Variants in CEACAM7 observed in about 807,000 individuals in gnomAD.
The protein encoded by CEACAM7 is CEA cell adhesion molecule 7.
In CEACAM7, 24 loss-of-function variants were observed where a neutral mutation model predicts 25.7. That is an observed-to-expected ratio of 0.93 (90% CI 0.68 to 1.31). The LOEUF is 1.31. Among genes scored for constraint, CEACAM7 ranks in the 40% most tolerant of loss-of-function variants. The pLI, the probability that CEACAM7 is intolerant of heterozygous loss-of-function variation, is 0.00. For synonymous variants in CEACAM7, 144 were observed against 129.4 expected, an observed-to-expected ratio of 1.11 and a Z score of -0.77; for missense variants, 324 against 330.1, an observed-to-expected ratio of 0.98 and a Z score of 0.14.
rs2072249015 is a variant in CEACAM7, at chr19:41,688,264, C to T, written c.-99G>A. 5.3e-6 allele frequency: 8 copies of T among 1,495,914 alleles called. No homozygotes were observed. The highest frequency in any genetic ancestry group is 2.3e-5 in the Admixed American group (1 of 44,246). 92.7% of individuals were successfully genotyped at this position (1,495,914 alleles called of 1,614,324 possible). The stretch of plus-strand genomic sequence containing the variant: ...ACTGTCAGCTCTGCTGTCCTTCCTA[C>T]CTCTGTGCTGAGCCTCCTCCCAGGG... On this transcript the variant is annotated 5_prime_UTR_variant, in exon 1 of 5. Coordinates refer to ENST00000401731, the MANE Select transcript of CEACAM7 (RefSeq NM_001291485.2).
At chr19:41,681,786 G>A (rs150910716) in intron 3 of CEACAM7, among the ~76,000 whole-genome samples, 71 of 152,286 alleles carry the variant, frequency 4.7e-4, no homozygotes, top group African/African-American at 1.7e-3. Flanking sequence ...GTCAATTACA[G>A]ACAGACAGAA....
intron 3 of CEACAM7, 68 bp from the exon 4 acceptor site, chr19:41,677,571 A>G: frequency 1.8e-6 from 2 of 1,136,052 alleles, no homozygotes; most frequent in Admixed American, 1.8e-5. Flanking sequence ...CCAGGAACCA[A>G]CTCTCAGCAT....
At chr19:41,674,801 A>C in intron 4 of CEACAM7, 62 bp from the exon 5 acceptor site, 1 of 162,268 alleles carries the variant, frequency 6.2e-6, no homozygotes, top group Non-Finnish European at 1.3e-5. Flanking sequence ...TAACAGTTGT[A>C]TTATAGTCTT....
intron 2 of CEACAM7, among the ~76,000 whole-genome samples, chr19:41,686,240 A>G (rs2072224188): frequency 1.3e-5 from 2 of 151,816 alleles, no homozygotes; most frequent in Non-Finnish European, 2.9e-5. Context: ...ATCCAGGGGG[A>G]CTGAGGTCCT....
At chr19:41,686,726 T>C (rs1600437233) in intron 2 of CEACAM7, 133 bp downstream of exon 2, 2 of 996,898 alleles carry the variant, frequency 2.0e-6, no homozygotes, top group East Asian at 2.5e-5. Flanking sequence ...ATGTGTGTCC[T>C]TCACTAAATG....
rs782336487 is a variant in CEACAM7, at chr19:41,683,784, C to T, written c.706+1G>A. 44 of 1,613,870 alleles carry T rather than the reference C, an allele frequency of 2.7e-5. No homozygotes were observed. The African/African-American group carries it at 4.0e-4, about 15-fold the overall frequency. On this transcript the variant is annotated splice_donor_variant, in intron 3 of 4. Coordinates refer to ENST00000401731, the MANE Select transcript of CEACAM7 (RefSeq NM_001291485.2). LOFTEE classifies it high-confidence loss of function. Reference sequence around the variant, plus strand: ...GCCACAGAGGAACAGAAGATACTCACAGCGGACATTCAGGGTGACTGGGTC... The same window carrying T: ...GCCACAGAGGAACAGAAGATACTCATAGCGGACATTCAGGGTGACTGGGTC...
intron 1 of CEACAM7, 22 bp from the exon 2 acceptor site, chr19:41,687,243 A>G: frequency 6.4e-7 from 1 of 1,571,496 alleles, no homozygotes; most frequent in Non-Finnish European, 8.6e-7. Context: ...AGAGAACATC[A>G]GTCAATATTG....
At chr19:41,686,243 G>A (rs1423040082) in intron 2 of CEACAM7, among the ~76,000 whole-genome samples, 1 of 152,150 alleles carries the variant, frequency 6.6e-6, no homozygotes, top group East Asian at 1.9e-4. Context: ...CAGGGGGACT[G>A]AGGTCCTAGT....
At chr19:41,686,761 T>G (rs2072229082) in intron 2 of CEACAM7, 98 bp downstream of exon 2, 2 of 1,325,242 alleles carry the variant, frequency 1.5e-6, no homozygotes, top group East Asian at 2.4e-5. Flanking sequence ...CTGGATAAAA[T>G]GTAGATGGGG....
At chr19:41,684,437 A>G (rs1416605527) in intron 2 of CEACAM7, among the ~76,000 whole-genome samples, 3 of 152,084 alleles carry the variant, frequency 2.0e-5, no homozygotes, top group Admixed American at 6.5e-5. Context: ...CCAGCTGAAC[A>G]CTCCTACACC....
intron 3 of CEACAM7, among the ~76,000 whole-genome samples, chr19:41,683,142 C>T (rs1293236512): frequency 6.6e-6 from 1 of 152,198 alleles, no homozygotes; most frequent in Non-Finnish European, 1.5e-5. Context: ...GATCCATGTA[C>T]CACGGACTGT....
intron 3 of CEACAM7, among the ~76,000 whole-genome samples, chr19:41,678,521 G>A (rs917765660): frequency 5.9e-5 from 9 of 152,092 alleles, no homozygotes; most frequent in Non-Finnish European, 1.0e-4. Context: ...ATTAGCTACT[G>A]TTGAGGGGTG....
chr19:41,686,728 C>T, intron 2 of CEACAM7, 131 bp downstream of exon 2: 1 of 1,013,146 alleles, frequency 9.9e-7, no homozygotes, highest in South Asian at 2.1e-5. Flanking sequence ...GTGTGTCCTT[C>T]ACTAAATGCC....
chr19:41,680,247 A>C (rs2072161746), intron 3 of CEACAM7, among the ~76,000 whole-genome samples: 1 of 152,060 alleles, frequency 6.6e-6, no homozygotes, highest in Non-Finnish European at 1.5e-5. Flanking sequence ...GAGGTGAAAA[A>C]ATTGTAAGCT....
At chr19:41,682,190 C>T (rs1555810752) in intron 3 of CEACAM7, among the ~76,000 whole-genome samples, 1 of 152,190 alleles carries the variant, frequency 6.6e-6, no homozygotes, top group Admixed American at 6.5e-5. Context: ...CCACCCATCT[C>T]AACCTCTCGA....
In CEACAM7 at chr19:41,686,913, C is replaced by T. The variant is rs148268768; in HGVS notation, c.373G>A (p.Val125Ile). Residue 125 changes from valine (V) to isoleucine (I), a missense_variant, in exon 2 of 5, where the codon GTT (valine) becomes ATT (isoleucine). Val to Ile is a conservative substitution (Grantham distance 29, BLOSUM62 3). Coordinates refer to ENST00000401731, the MANE Select transcript of CEACAM7 (RefSeq NM_001291485.2). ...HNDAGIYTLHVIKENLVNEEV... is the reference protein window; with the variant it reads ...HNDAGIYTLHIIKENLVNEEV... Reference sequence around the variant, plus strand: ...TCATTCACAAGATTTTCTTTTATAACGTGTAGGGTATAGATTCCTGCGTCA... The same window carrying T: ...TCATTCACAAGATTTTCTTTTATAATGTGTAGGGTATAGATTCCTGCGTCA... 17 of 1,554,990 alleles carry T rather than the reference C, an allele frequency of 1.1e-5. No homozygotes were observed. The East Asian group carries it at 1.1e-4, about 10-fold the overall frequency.
Position 41,687,049 on chromosome 19 carries a change from A to C in CEACAM7, c.237T>G (p.Ile79Met), listed in dbSNP as rs2072234317. 1 of 1,613,864 alleles carries C rather than the reference A, an allele frequency of 6.2e-7. No individual in the cohort carries two copies. Among genetic ancestry groups the C allele is most frequent in the South Asian group, 1.1e-5 (1 of 91,072 alleles). The change falls in exon 2 of 5, where the codon ATT becomes ATG. Residue 79 changes from isoleucine (I) to methionine (M), a missense_variant. By Grantham distance (10) the Ile-to-Met change is conservative (BLOSUM62 1). Coordinates refer to ENST00000401731, the MANE Select transcript of CEACAM7 (RefSeq NM_001291485.2). Reference sequence around the variant, plus strand: ...GACTTATATTTTTTACATATCCTATAATTCGATAGTTGGCATGCACCCTTT... The same window carrying C: ...GACTTATATTTTTTACATATCCTATCATTCGATAGTTGGCATGCACCCTTT... The part of the protein sequence containing the change: ...KGERVHANYR[I>M]IGYVKNISQE...
chr19:41,685,130 G>A (rs1548721), intron 2 of CEACAM7, among the ~76,000 whole-genome samples: 80,806 of 151,814 alleles, frequency 0.53, 21,465 homozygotes, highest in Middle Eastern at 0.63. Flanking sequence ...GCCCCACAGC[G>A]AGACGAGGAT....
chr19:41,681,877 G>A (rs1555810726), intron 3 of CEACAM7, among the ~76,000 whole-genome samples: 1 of 152,196 alleles, frequency 6.6e-6, no homozygotes, highest in African/African-American at 2.4e-5. Flanking sequence ...TTAGCATGGT[G>A]AGTTGAAAAA....
Sources: allele counts gnomAD v4.1 joint callset (sites outside exome capture counted in the v4.1 genomes callset), GRCh38; gene constraint gnomAD v4.1.1; transcripts MANE v1.5; gene names NCBI Gene and HGNC (gene_info 2026-07-23, HGNC 2026-07-21).